The following PPCS variants were observed in gnomAD, a reference collection of about 807,000 sequenced individuals.
PPCS encodes the protein phosphopantothenate--cysteine ligase.
In PPCS, 17 loss-of-function variants were observed where a neutral mutation model predicts 24.6. That is an observed-to-expected ratio of 0.69 (90% CI 0.47 to 1.04). The LOEUF (loss-of-function observed/expected upper bound fraction) is 1.04. PPCS is among the 50% of genes least tolerant of loss of function. The probability of loss-of-function intolerance (pLI) is 0.00; values close to 1 mark genes in which losing one functional copy is unlikely to be tolerated. For missense variants in PPCS, 360 were observed against 402.8 expected, an observed-to-expected ratio of 0.89 and a Z score of 0.91; for synonymous variants, 190 against 168.3, an observed-to-expected ratio of 1.13 and a Z score of -1.00.
In PPCS at chr1:42,457,334, C is replaced by G. The variant is rs528026528; in HGVS notation, c.596C>G (p.Ser199Cys). 5.0e-6 allele frequency: 8 copies of G among 1,614,084 alleles called. No individual in the cohort carries two copies. The highest frequency in any genetic ancestry group is 3.3e-5 in the Admixed American group (2 of 60,036). The change falls in exon 2 of 3, where the codon TCT (serine) becomes TGT (cysteine). Residue 199 changes from serine (S) to cysteine (C), a missense_variant. Ser to Cys is a moderately radical substitution (Grantham distance 112). This residue lies in a region of PPCS where 116 missense variants were observed against 168.1 expected (regional missense o/e 0.69). Coordinates refer to ENST00000372561, the MANE Select transcript of PPCS (RefSeq NM_024664.4). ...ATGCCTGAACACAAGATCCAGTCAT[C>G]TGGGGGCCCACTGCAGGTGATGGGC... ...SEMPEHKIQSSGGPLQITMKM... is the reference protein window; with the variant it reads ...SEMPEHKIQSCGGPLQITMKM...
chr1:42,464,059 A>G (rs888383592), downstream of PPCS: 4 of 152,340 alleles, frequency 2.6e-5, no homozygotes, highest in African/African-American at 9.6e-5. Flanking sequence ...TCTGTCATCT[A>G]TAGACCACCT....
rs199807362 is a variant in PPCS at position 42,456,962 on chromosome 1, A to T, written c.397A>T (p.Arg133Trp). The change falls in exon 1 of 3, where the codon AGG (arginine) becomes TGG (tryptophan). Residue 133 changes from arginine (R) to tryptophan (W), a missense_variant. Physicochemically the swap from Arg to Trp is moderately radical, Grantham distance 101 (BLOSUM62 -3). This residue lies in a region of PPCS where 244 missense variants were observed against 234.7 expected (regional missense o/e 1.04). Transcript: ENST00000372561. ...ACTTCCGGGTTTTGCTGAGGCTCTG[A>T]GGAGCTACCAGGAGGCTGCGGCTGC... is the stretch of plus-strand genomic sequence containing the variant. ...NALPGFAEALRSYQEAAAAGT... is the reference protein window; with the variant it reads ...NALPGFAEALWSYQEAAAAGT... The T allele has an allele frequency of 6.0e-4, 967 of 1,604,040 alleles. 4 individuals carry two copies. Among genetic ancestry groups the T allele is most frequent in the Non-Finnish European group, 7.4e-4 (877 of 1,179,962 alleles).
chr1:42,471,268 T>A (rs1003620268), intron 2 of PPCS, among the ~76,000 whole-genome samples: 1 of 152,150 alleles, frequency 6.6e-6, no homozygotes, highest in South Asian at 2.1e-4. Flanking sequence ...CTTTTCCTTT[T>A]AACATCCTCC....
At chr1:42,463,349 AC>A (rs1162033251), downstream of PPCS, 6 of 151,898 alleles carry the variant, frequency 4.0e-5, no homozygotes, top group East Asian at 1.2e-3. Flanking sequence ...GGGCCGAGCG[AC>A]CCCGGGACGC....
In PPCS at chr1:42,460,056, A is replaced by G. The variant is rs72950592; in HGVS notation, c.*130A>G. ...GGGAAAAGGCAGTGGTGTGTAGGCA[A>G]ATATGGTTTGGCATTTGTCTTTTAA... On this transcript the variant is annotated 3_prime_UTR_variant, in exon 3 of 3. Coordinates refer to ENST00000372561, the MANE Select transcript of PPCS (RefSeq NM_024664.4). The G allele has an allele frequency of 1.5e-3, 2,150 of 1,417,932 alleles. 28 individuals carry two copies. The African/African-American group carries it at 0.026, about 17-fold the overall frequency. The allele number at this position is 1,417,932 out of a possible 1,614,324, so 87.8% of individuals were successfully genotyped here.
rs1484391937 is a variant in PPCS, at chr1:42,459,607, CAATG to C, written c.620_623del (p.Met207ArgfsTer20). ...GCTTTTCTTTTTCCAATACAGATAA[CAATG>C]AAGATGGTGCCAAAACTGCTTTCTC... On this transcript the variant is annotated frameshift_variant, in exon 3 of 3. Coordinates refer to ENST00000372561, the MANE Select transcript of PPCS (RefSeq NM_024664.4). LOFTEE classifies it high-confidence loss of function. 1 of 1,612,678 alleles carries C rather than the reference CAATG, an allele frequency of 6.2e-7. No homozygotes were observed.
rs1643204574 is a variant in PPCS, at chr1:42,456,742, C to T, written c.177C>T (p.Asn59=). The T allele has an allele frequency of 6.2e-7, 1 of 1,611,184 alleles. No homozygotes were observed. Among genetic ancestry groups the T allele is most frequent in the Admixed American group, 1.7e-5 (1 of 59,904 alleles). The change falls in exon 1 of 3, where the codon AAC becomes AAT. Residue 59 remains asparagine, a synonymous_variant. Coordinates refer to ENST00000372561, the MANE Select transcript of PPCS (RefSeq NM_024664.4). Reference sequence around the variant, plus strand: ...CGCGGCCGGTGCGCTTCCTGGACAACTTCAGCAGCGGGCGGCGCGGTGCAA... The same window carrying T: ...CGCGGCCGGTGCGCTTCCTGGACAATTTCAGCAGCGGGCGGCGCGGTGCAA... The part of the protein sequence containing the change: ...LEARPVRFLD[N]FSSGRRGATS...
rs573967555 is a variant in PPCS at position 42,473,208 on chromosome 1, G to T, written n.464G>T. 3.2e-6 allele frequency: 4 copies of T among 1,231,294 alleles called. No homozygotes were observed. The African/African-American group carries it at 6.2e-5, about 19-fold the overall frequency. The allele number at this position is 1,231,294 out of a possible 1,614,324, so 76.3% of individuals were successfully genotyped here. On this transcript the variant is annotated non_coding_transcript_exon_variant, in exon 3 of 3. Transcript: ENST00000471420. ...CTACTACAGAAGAACAACTCTGTTT[G>T]GTGCTTATTCCAGCCAGCACAGTGA...
chr1:42,462,775 A>G (rs892868873), downstream of PPCS, among the ~76,000 whole-genome samples: 1 of 151,868 alleles, frequency 6.6e-6, no homozygotes, highest in African/African-American at 2.4e-5. Context: ...TAGGACTTCT[A>G]AAGGGCTTCA....
intron 2 of PPCS, 125 bp downstream of exon 2, chr1:42,457,475 A>G (rs1643253078): frequency 1.3e-6 from 1 of 790,466 alleles, no homozygotes; most frequent in Admixed American, 2.1e-5. Flanking sequence ...AGAGATGAAT[A>G]AGACACCGCC....
chr1:42,472,996 T>A, intron 2 of PPCS: 2 of 819,652 alleles, frequency 2.4e-6, no homozygotes, highest in Non-Finnish European at 3.2e-6. Context: ...ACTAGCTTTC[T>A]ATTGCTAGTA....
Position 42,457,330 on chromosome 1 carries a change from T to C in PPCS, c.592T>C (p.Ser198Pro). The C allele has an allele frequency of 6.2e-7, 1 of 1,614,094 alleles. No individual in the cohort carries two copies. The highest frequency in any genetic ancestry group is 1.1e-5 in the South Asian group (1 of 91,082). Residue 198 changes from serine to proline, a missense_variant, in exon 2 of 3, where the codon TCA (serine) becomes CCA (proline). Ser to Pro is a moderately conservative substitution (Grantham distance 74). Coordinates refer to ENST00000372561, the MANE Select transcript of PPCS (RefSeq NM_024664.4). Reference sequence around the variant, plus strand: ...TGAAATGCCTGAACACAAGATCCAGTCATCTGGGGGCCCACTGCAGGTGAT... The same window carrying C: ...TGAAATGCCTGAACACAAGATCCAGCCATCTGGGGGCCCACTGCAGGTGAT... ...VSEMPEHKIQSSGGPLQITMK... is the reference protein window; with the variant it reads ...VSEMPEHKIQPSGGPLQITMK...
chr1:42,473,041 G>C lies in PPCS; in HGVS notation n.378-81G>C, dbSNP rs16829578. 3,075 of 1,196,438 alleles carry C rather than the reference G, an allele frequency of 2.6e-3. 68 individuals are homozygous for C. The African/African-American group carries it at 0.042, about 16-fold the overall frequency. The allele number at this position is 1,196,438 out of a possible 1,614,324, so 74.1% of individuals were successfully genotyped here. A position where few individuals can be genotyped will look rare whatever the true frequency, so the allele number is the denominator to read the frequency against. On this transcript the variant is annotated intron_variant and non_coding_transcript_variant, in intron 2 of 2. Transcript: ENST00000471420. ...CTAGTACTCTAATAAGGAGACTAAG[G>C]TGGCACCCACATAGATATCTTGCAT...
At chr1:42,472,252 C>T (rs150542384) in intron 2 of PPCS, among the ~76,000 whole-genome samples, 1 of 151,276 alleles carries the variant, frequency 6.6e-6, no homozygotes, top group South Asian at 2.1e-4. Flanking sequence ...GACTCCATCT[C>T]AAAGAAAAAA....
intron 2 of PPCS, among the ~76,000 whole-genome samples, chr1:42,466,261 C>T (rs1449121325): frequency 1.3e-5 from 2 of 152,138 alleles, no homozygotes; most frequent in African/African-American, 4.8e-5. Context: ...TGCTCAGAGG[C>T]AGGAGATGTG....
rs1031360157 is a variant in PPCS, at chr1:42,468,929, A to G, written n.378-4193A>G. 4.3e-4 allele frequency among the ~76,000 whole-genome samples: 65 copies of G among 152,012 alleles called. 1 individual carries two copies. Among genetic ancestry groups the G allele is most frequent in the Admixed American group, 2.7e-3 (41 of 15,266 alleles). ...CCTGGAAATGGCAGCATTTGAAGGG[A>G]TGGAAGAGGAGGAACCCAGGAAGCA... On this transcript the variant is annotated intron_variant and non_coding_transcript_variant, in intron 2 of 2. Coordinates refer to the PPCS transcript ENST00000471420.
chr1:42,457,091 A>G lies in PPCS; in HGVS notation c.508+18A>G, dbSNP rs1442261108. On this transcript the variant is annotated intron_variant, in intron 1 of 2. Coordinates refer to ENST00000372561, the MANE Select transcript of PPCS (RefSeq NM_024664.4). ...TCCGCTAGGTGCGTGCCCTAGGAGT[A>G]CCCCTTTTGCCTGGAAGCACAGCCT... The G allele has an allele frequency of 3.8e-6, 6 of 1,580,874 alleles. No individual in the cohort carries two copies. The highest frequency in any genetic ancestry group is 2.3e-5 in the South Asian group (2 of 86,480).
downstream of PPCS, chr1:42,463,809 A>G (rs1643481872): frequency 6.6e-6 from 1 of 151,672 alleles, no homozygotes; most frequent in Non-Finnish European, 1.5e-5. Context: ...CCGTTTTCTG[A>G]TTTTTTTTGG....
At chr1:42,467,001 A>C (rs769452841) in intron 2 of PPCS, among the ~76,000 whole-genome samples, 9 of 152,184 alleles carry the variant, frequency 5.9e-5, no homozygotes, top group Non-Finnish European at 1.2e-4. Flanking sequence ...CCACTGGGAA[A>C]ATGTTTGTTT....
Sources: allele counts gnomAD v4.1 joint callset (sites outside exome capture counted in the v4.1 genomes callset), GRCh38; gene constraint gnomAD v4.1.1; regional missense constraint gnomAD v4.1.1; transcripts MANE v1.5; gene names NCBI Gene and HGNC (gene_info 2026-07-23, HGNC 2026-07-21).